The following SLC38A1 variants were observed in gnomAD, a reference collection of about 807,000 sequenced individuals.
SLC38A1 encodes sodium-coupled neutral amino acid symporter 1.
Under a neutral mutation model 60.3 loss-of-function variants are expected in SLC38A1, and 18 were observed. That is an observed-to-expected ratio of 0.30 (90% confidence interval 0.21 to 0.44). SLC38A1 has a LOEUF of 0.44. SLC38A1 is among the 20% of genes least tolerant of loss of function. SLC38A1 has a pLI of 1.00. For missense variants in SLC38A1, 448 were observed against 587.2 expected (o/e 0.76, Z 2.45); for synonymous variants, 196 against 212.1 (o/e 0.92, Z 0.66).
At chr12:46,229,883 T>A (rs1941005850) in intron 3 of SLC38A1, among the ~76,000 whole-genome samples, 1 of 152,216 alleles carries the variant, frequency 6.6e-6, no homozygotes, top group Admixed American at 6.5e-5. Flanking sequence ...TTTGCCTCAT[T>A]CATTTTTATA....
rs535466064 is a variant in SLC38A1 at position 46,251,980 on chromosome 12, A to C, written c.-208-8666T>G. ...AAATACCATTTGACCCAGCAATCCC[A>C]TTACTGGGTATATACCCAAAGGATT... is the stretch of plus-strand genomic sequence containing the variant. On this transcript the variant is annotated intron_variant, in intron 1 of 16. Coordinates refer to ENST00000398637, the MANE Select transcript of SLC38A1 (RefSeq NM_030674.4). 2.0e-5 allele frequency among the ~76,000 whole-genome samples: 3 copies of C among 152,316 alleles called. No individual in the cohort carries two copies. The East Asian group carries it at 5.8e-4, about 29-fold the overall frequency.
intron 2 of SLC38A1, among the ~76,000 whole-genome samples, chr12:46,240,497 G>A (rs1289286047): frequency 6.6e-6 from 1 of 152,180 alleles, no homozygotes; most frequent in Admixed American, 6.5e-5. Flanking sequence ...CACCCGGCCT[G>A]AAGCAGTGCT....
intron 1 of SLC38A1, among the ~76,000 whole-genome samples, chr12:46,256,604 C>CAT (rs1942031751): frequency 1.1e-5 from 1 of 91,644 alleles, no homozygotes; most frequent in African/African-American, 5.9e-5. Context: ...CCAGTTTGCG[C>CAT]GCGCGCGCGC....
chr12:46,218,279 T>C (rs1423072300), intron 5 of SLC38A1, among the ~76,000 whole-genome samples: 2 of 151,972 alleles, frequency 1.3e-5, no homozygotes, highest in Non-Finnish European at 2.9e-5. Flanking sequence ...ACAAGTCGTT[T>C]CCCTTCTCCT....
intron 13 of SLC38A1, among the ~76,000 whole-genome samples, chr12:46,199,353 G>C (rs1939541798): frequency 1.6e-5 from 2 of 126,602 alleles, no homozygotes; most frequent in Non-Finnish European, 3.2e-5. Context: ...GTGTGTGTGT[G>C]TGTGTGTTGA....
At chr12:46,207,924 T>C (rs1366805539) in intron 6 of SLC38A1, among the ~76,000 whole-genome samples, 1 of 152,176 alleles carries the variant, frequency 6.6e-6, no homozygotes, top group African/African-American at 2.4e-5. Flanking sequence ...AAAGGGGAAA[T>C]TCCTTCTGTG....
intron 8 of SLC38A1, 36 bp from the exon 9 acceptor site, chr12:46,206,198 T>A (rs775451744): frequency 1.4e-6 from 2 of 1,379,330 alleles, no homozygotes; most frequent in Non-Finnish European, 2.0e-6. Context: ...TATATTTTTT[T>A]AGAAAGTGAC....
chr12:46,183,247 T>G lies in SLC38A1; in HGVS notation c.*5723A>C, dbSNP rs931469752. ...CTTAAATCACCCATCTGAAATTCAT[T>G]TACAAGGTTTTTACATTAATAAAAC... On this transcript the variant is annotated 3_prime_UTR_variant, in exon 17 of 17. Coordinates refer to ENST00000398637, the MANE Select transcript of SLC38A1 (RefSeq NM_030674.4). 4 of 152,244 alleles carry G rather than the reference T, an allele frequency of 2.6e-5. No homozygotes were observed. The highest frequency in any genetic ancestry group is 9.7e-5 in the African/African-American group (4 of 41,446). The allele number at this position is 152,244 out of a possible 1,614,324, so 9.4% of individuals were successfully genotyped here.
At position 46,268,841 on chromosome 12, in the gene SLC38A1, T is replaced by A. The variant is rs1942452043; in HGVS notation, c.-524A>T. ...CCTCACCACCAACCCCCACTCACAC[T>A]CTGCTCGCCGGCCTCGCACTTACAT... On this transcript the variant is annotated 5_prime_UTR_variant, in exon 1 of 17. Transcript: ENST00000398637. This position sits in a 1 kb window ranked among gnomAD's most constrained non-coding sequence, Gnocchi z 4.4. 8.8e-6 allele frequency: 4 copies of A among 452,818 alleles called. No individual in the cohort carries two copies. Among genetic ancestry groups the A allele is most frequent in the South Asian group, 4.7e-5 (3 of 64,124 alleles). 28.1% of individuals were successfully genotyped at this position (452,818 alleles called of 1,614,324 possible).
intron 1 of SLC38A1, among the ~76,000 whole-genome samples, chr12:46,253,588 C>T (rs1458207069): frequency 6.6e-6 from 1 of 152,168 alleles, no homozygotes; most frequent in African/African-American, 2.4e-5. Flanking sequence ...TTTACTGCAA[C>T]CTGTTTTATC....
chr12:46,199,029 G>C (rs1592069841), intron 13 of SLC38A1, among the ~76,000 whole-genome samples: 1 of 151,732 alleles, frequency 6.6e-6, no homozygotes, highest in East Asian at 1.9e-4. Context: ...CTGGGCTCGA[G>C]AATGAAACAT....
chr12:46,234,446 C>CTTTTTTTTTTTTTT (rs397791217), intron 3 of SLC38A1, among the ~76,000 whole-genome samples: 1 of 140,688 alleles, frequency 7.1e-6, no homozygotes, highest in African/African-American at 2.7e-5. Context: ...TTCTTTCTTT[C>CTTTTTTTTTTTTTT]TTTTTTTTTT....
At chr12:46,249,672 A>G (rs1941764723) in intron 1 of SLC38A1, among the ~76,000 whole-genome samples, 1 of 152,230 alleles carries the variant, frequency 6.6e-6, no homozygotes, top group South Asian at 2.1e-4. Context: ...CCAATCCCAC[A>G]GAAATACAAA....
At chr12:46,246,263 C>T (rs1039042041) in intron 1 of SLC38A1, among the ~76,000 whole-genome samples, 3 of 152,186 alleles carry the variant, frequency 2.0e-5, no homozygotes, top group Non-Finnish European at 2.9e-5. Flanking sequence ...CAAGGGAAGC[C>T]GTGACAGACT....
At chr12:46,234,974 A>G (rs1198871759) in intron 3 of SLC38A1, among the ~76,000 whole-genome samples, 1 of 152,242 alleles carries the variant, frequency 6.6e-6, no homozygotes, top group East Asian at 1.9e-4. Flanking sequence ...ATTATTAAAA[A>G]AAGAGTTCTC....
intron 5 of SLC38A1, among the ~76,000 whole-genome samples, chr12:46,212,771 C>A (rs1313301083): frequency 6.6e-6 from 1 of 152,140 alleles, no homozygotes; most frequent in Non-Finnish European, 1.5e-5. Context: ...ATGCTCCATG[C>A]CAACACACAG....
intron 5 of SLC38A1, among the ~76,000 whole-genome samples, chr12:46,219,092 T>C (rs1202924748): frequency 6.6e-6 from 1 of 152,240 alleles, no homozygotes; most frequent in Non-Finnish European, 1.5e-5. Context: ...TTGTTAGTCC[T>C]GCAAAGGCAG....
chr12:46,255,742 C>A (rs749160595), intron 1 of SLC38A1, among the ~76,000 whole-genome samples: 6 of 152,212 alleles, frequency 3.9e-5, no homozygotes, highest in Non-Finnish European at 8.8e-5. Context: ...TAGGATAGCA[C>A]ACAGAAGTGC....
At chr12:46,211,741 G>A (rs545575278) in intron 5 of SLC38A1, among the ~76,000 whole-genome samples, 1 of 152,224 alleles carries the variant, frequency 6.6e-6, no homozygotes, top group East Asian at 1.9e-4. Flanking sequence ...CTCCCACAGT[G>A]GTGAAAACAA....
Sources: allele counts gnomAD v4.1 joint callset (sites outside exome capture counted in the v4.1 genomes callset), GRCh38; gene constraint gnomAD v4.1.1; non-coding constraint Gnocchi (gnomAD v3.1); transcripts MANE v1.5; gene names NCBI Gene and HGNC (gene_info 2026-07-23, HGNC 2026-07-21).